ZNF385D: variants seen among roughly 807,000 people sequenced by gnomAD.
ZNF385D encodes zinc finger protein 659.
In ZNF385D, 15 loss-of-function variants were observed where a neutral mutation model predicts 35.8. The ratio of observed to expected loss-of-function variants is 0.42; its 90% CI spans 0.28 to 0.64. The LOEUF is 0.64. Ranked by LOEUF, ZNF385D falls within the 30% of genes least tolerant of loss-of-function variation. The probability of loss-of-function intolerance (pLI) is 0.23; values close to 1 mark genes in which losing one functional copy is unlikely to be tolerated. For missense variants in ZNF385D, 474 were observed against 494.6 expected (o/e 0.96, Z 0.39); for synonymous variants, 212 against 186.8 (o/e 1.13, Z -1.10).
intron 3 of ZNF385D, among the ~76,000 whole-genome samples, chr3:22,129,972 A>G (rs1412722138): frequency 1.3e-5 from 2 of 152,100 alleles, no homozygotes; most frequent in East Asian, 3.9e-4. Context: ...GCCCATGGCG[A>G]CTGCTGCCTG....
intron 2 of ZNF385D, among the ~76,000 whole-genome samples, chr3:21,619,087 C>A (rs1373473519): frequency 6.6e-6 from 1 of 152,118 alleles, no homozygotes; most frequent in Admixed American, 6.6e-5. Context: ...TGTCCTACAG[C>A]AAACCATGTA....
chr3:21,837,352 C>T (rs936257903), intron 3 of ZNF385D, among the ~76,000 whole-genome samples: 3 of 152,152 alleles, frequency 2.0e-5, no homozygotes, highest in African/African-American at 7.2e-5. Flanking sequence ...CTAATCTGGC[C>T]TGTGTTTTCT....
At chr3:21,899,650 G>T (rs559680113) in intron 3 of ZNF385D, among the ~76,000 whole-genome samples, 58 of 152,176 alleles carry the variant, frequency 3.8e-4, no homozygotes, top group African/African-American at 1.4e-3. Context: ...ACCTTTTGTG[G>T]CTTCTGCTTT....
intron 3 of ZNF385D, among the ~76,000 whole-genome samples, chr3:21,983,004 G>C (rs1199953516): frequency 6.6e-6 from 1 of 151,966 alleles, no homozygotes; most frequent in Admixed American, 6.6e-5. Context: ...GTATTTTGCT[G>C]AAGATTTTTA....
In ZNF385D at chr3:22,197,635, G is replaced by T. The variant is rs529763778; in HGVS notation, c.107-28600C>A. On this transcript the variant is annotated intron_variant, in intron 2 of 5. Transcript: ENST00000494108. ...GGTGAAAGTCTGGAGCTCTACCCAA[G>T]CTTTTGCTCCATACCATAAACTCCA... 1.2e-4 allele frequency among the ~76,000 whole-genome samples: 19 copies of T among 152,156 alleles called. No homozygotes were observed. The East Asian group carries it at 3.7e-3, about 29-fold the overall frequency.
intron 2 of ZNF385D, among the ~76,000 whole-genome samples, chr3:21,627,782 G>A (rs1186330721): frequency 6.6e-6 from 1 of 152,052 alleles, no homozygotes; most frequent in Non-Finnish European, 1.5e-5. Flanking sequence ...GGAGTGGAAG[G>A]AAATTTTCTA....
At chr3:21,788,931 G>T (rs541225151) in intron 3 of ZNF385D, among the ~76,000 whole-genome samples, 1 of 152,276 alleles carries the variant, frequency 6.6e-6, no homozygotes, top group South Asian at 2.1e-4. Context: ...TAGGGCAGGA[G>T]GTCAGAGAGC....
chr3:21,853,605 A>G (rs1243389342), intron 3 of ZNF385D, among the ~76,000 whole-genome samples: 1 of 151,390 alleles, frequency 6.6e-6, no homozygotes, highest in Non-Finnish European at 1.5e-5. Flanking sequence ...CCCGAACAAA[A>G]GGGAAGCTAG....
At chr3:21,712,510 G>C (rs1005602258) in intron 1 of ZNF385D, among the ~76,000 whole-genome samples, 2 of 152,028 alleles carry the variant, frequency 1.3e-5, no homozygotes, top group African/African-American at 4.8e-5. Context: ...AGAGGTTTAA[G>C]CCATTATCAA....
chr3:21,982,907 A>G (rs1424278658), intron 3 of ZNF385D, among the ~76,000 whole-genome samples: 1 of 151,458 alleles, frequency 6.6e-6, no homozygotes, highest in Non-Finnish European at 1.5e-5. Context: ...TGATTTGTGT[A>G]TGTTGAACCA....
intron 3 of ZNF385D, among the ~76,000 whole-genome samples, chr3:21,812,605 A>G (rs1334769251): frequency 6.6e-6 from 1 of 152,214 alleles, no homozygotes; most frequent in Admixed American, 6.5e-5. Flanking sequence ...CTGCTAGCAC[A>G]GCAGTCCGAG....
chr3:22,106,574 A>T (rs1345972056), intron 3 of ZNF385D, among the ~76,000 whole-genome samples: 1 of 152,132 alleles, frequency 6.6e-6, no homozygotes, highest in East Asian at 1.9e-4. Flanking sequence ...CTTATTAGTC[A>T]GCTTGAGTCT....
At chr3:22,322,221 A>C (rs2125446759) in intron 2 of ZNF385D, among the ~76,000 whole-genome samples, 1 of 152,280 alleles carries the variant, frequency 6.6e-6, no homozygotes, top group South Asian at 2.1e-4. Flanking sequence ...TCTTTTCCTA[A>C]CATGTAGTAC....
At chr3:21,806,335 GC>G (rs1349018897) in intron 3 of ZNF385D, among the ~76,000 whole-genome samples, 1 of 151,860 alleles carries the variant, frequency 6.6e-6, no homozygotes, top group Non-Finnish European at 1.5e-5. Flanking sequence ...CTCCCGAGCA[GC>G]TGGGACTACA....
intron 4 of ZNF385D, among the ~76,000 whole-genome samples, chr3:21,500,986 C>T (rs138989472): frequency 7.7e-4 from 118 of 152,286 alleles, no homozygotes; most frequent in African/African-American, 2.7e-3. Context: ...ACAGCCGCCC[C>T]CACATATCCC....
intron 3 of ZNF385D, among the ~76,000 whole-genome samples, chr3:21,989,952 A>T (rs1452614237): frequency 1.3e-5 from 2 of 152,212 alleles, no homozygotes; most frequent in African/African-American, 4.8e-5. Flanking sequence ...ATTTATGTGT[A>T]ACATTTCCAG....
intron 4 of ZNF385D, among the ~76,000 whole-genome samples, chr3:21,447,393 C>T (rs1026691331): frequency 1.3e-5 from 2 of 152,054 alleles, no homozygotes; most frequent in Non-Finnish European, 2.9e-5. Context: ...AATGGTAGCA[C>T]CCCTGTTCCA....
intron 2 of ZNF385D, among the ~76,000 whole-genome samples, chr3:22,289,939 C>T (rs1702213909): frequency 6.6e-6 from 1 of 152,100 alleles, no homozygotes; most frequent in Admixed American, 6.6e-5. Context: ...CTATAAGCAG[C>T]AGCAGTTGAA....
intron 3 of ZNF385D, among the ~76,000 whole-genome samples, chr3:22,017,512 G>C (rs1273880904): frequency 6.6e-6 from 1 of 151,724 alleles, no homozygotes. Flanking sequence ...TAGAAAATTA[G>C]CTTTTATATT....
Sources: allele counts gnomAD v4.1 joint callset (sites outside exome capture counted in the v4.1 genomes callset), GRCh38; gene constraint gnomAD v4.1.1; transcripts MANE v1.5; gene names NCBI Gene and HGNC (gene_info 2026-07-23, HGNC 2026-07-21).